The following KDM4C variants were observed in gnomAD, a reference collection of about 807,000 sequenced individuals.
KDM4C encodes lysine demethylase 4C.
KDM4C carries 81 observed loss-of-function variants against 129.3 expected under a neutral mutation model. That is an observed-to-expected ratio of 0.63 (90% CI 0.52 to 0.75). The LOEUF (loss-of-function observed/expected upper bound fraction) is 0.75, where lower values mean the gene tolerates loss of function less well. Ranked by LOEUF, KDM4C falls within the 30% of genes least tolerant of loss-of-function variation. The probability of loss-of-function intolerance (pLI) is 0.00; values close to 1 mark genes in which losing one functional copy is unlikely to be tolerated. For missense variants in KDM4C, 1,457 were observed against 1,304.0 expected (o/e 1.12, Z -1.81); for synonymous variants, 573 against 456.1 (o/e 1.26, Z -3.26).
intron 18 of KDM4C, chr9:7,105,541 G>A (rs199841200): frequency 2.2e-6 from 1 of 461,888 alleles, no homozygotes; most frequent in South Asian, 1.6e-5. Flanking sequence ...AGAAACCTAA[G>A]TTCAGAGAGG....
intron 4 of KDM4C, among the ~76,000 whole-genome samples, chr9:6,835,996 A>G (rs1316418101): frequency 6.6e-6 from 1 of 152,148 alleles, no homozygotes; most frequent in African/African-American, 2.4e-5. Context: ...TTGCCTTAAT[A>G]CTTTTTAAGT....
intron 4 of KDM4C, among the ~76,000 whole-genome samples, chr9:6,825,185 T>C (rs1300139896): frequency 6.6e-6 from 1 of 151,524 alleles, no homozygotes; most frequent in Non-Finnish European, 1.5e-5. Context: ...TGGATTTTTA[T>C]ATCAGCTTCT....
intron 1 of KDM4C, among the ~76,000 whole-genome samples, chr9:6,740,386 G>C (rs538855407): frequency 1.3e-3 from 198 of 151,932 alleles, no homozygotes; most frequent in African/African-American, 4.6e-3. Context: ...TGTATTTTTA[G>C]TAGAGATGGG....
intron 5 of KDM4C, among the ~76,000 whole-genome samples, chr9:6,866,413 G>T (rs115598372): frequency 6.6e-6 from 1 of 152,164 alleles, no homozygotes; most frequent in Non-Finnish European, 1.5e-5. Flanking sequence ...TTTCCAAAGG[G>T]TGTGAGAGGG....
At chr9:6,770,372 C>T (rs1588147269) in intron 1 of KDM4C, among the ~76,000 whole-genome samples, 1 of 152,098 alleles carries the variant, frequency 6.6e-6, no homozygotes, top group Admixed American at 6.6e-5. Context: ...GTCAAGCTGT[C>T]AACTTATCAG....
intron 12 of KDM4C, among the ~76,000 whole-genome samples, chr9:7,005,384 G>A (rs1302940919): frequency 6.9e-6 from 1 of 145,420 alleles, no homozygotes; most frequent in Non-Finnish European, 1.5e-5. Context: ...TCAGTGAGTC[G>A]AGATCAAGCC....
intron 1 of KDM4C, among the ~76,000 whole-genome samples, chr9:6,790,354 C>T (rs1826310836): frequency 1.3e-5 from 2 of 151,360 alleles, no homozygotes; most frequent in East Asian, 3.9e-4. Context: ...ATGCCATTCT[C>T]CTGCCTCAGC....
rs1375725453 is a variant in KDM4C, at chr9:7,052,850, C to G, written c.2424+3650C>G. Among the ~76,000 whole-genome samples the G allele has an allele frequency of 6.7e-5, 3 of 44,518 alleles. No individual in the cohort carries two copies. In the East Asian group the frequency reaches 2.2e-3, roughly 32 times the overall value. The allele number at this position is 44,518 out of a possible 152,430, so 29.2% of individuals were successfully genotyped here. A position where few individuals can be genotyped will look rare whatever the true frequency, so the allele number is the denominator to read the frequency against. ...CCTTCTCTAGTGCCTAACCAGAGCT[C>G]TGGCCACACCTGCAGAGAGAGAGAG... On this transcript the variant is annotated intron_variant, in intron 17 of 21. Transcript: ENST00000381309.
chr9:7,058,272 C>G (rs1333845170), intron 17 of KDM4C, among the ~76,000 whole-genome samples: 1 of 58,992 alleles, frequency 1.7e-5, no homozygotes, highest in African/African-American at 7.8e-5. Context: ...ATACTGTTTC[C>G]AACCCTTTTC....
At chr9:7,124,404 G>A (rs1180781658) in intron 18 of KDM4C, among the ~76,000 whole-genome samples, 1 of 152,164 alleles carries the variant, frequency 6.6e-6, no homozygotes, top group Non-Finnish European at 1.5e-5. Flanking sequence ...ATCACTCAGG[G>A]CCACTGTCTG....
intron 1 of KDM4C, among the ~76,000 whole-genome samples, chr9:6,763,838 A>T (rs113907297): frequency 6.6e-6 from 1 of 151,900 alleles, no homozygotes; most frequent in Admixed American, 6.6e-5. Context: ...GCTCACCACA[A>T]CCTCCGCCTC....
chr9:6,987,024 T>A (rs1817843072), intron 11 of KDM4C, among the ~76,000 whole-genome samples: 1 of 152,200 alleles, frequency 6.6e-6, no homozygotes. Context: ...GCTACCATCT[T>A]AGAAAACTAT....
At chr9:7,097,590 C>G (rs1836587953) in intron 17 of KDM4C, among the ~76,000 whole-genome samples, 1 of 152,170 alleles carries the variant, frequency 6.6e-6, no homozygotes, top group Non-Finnish European at 1.5e-5. Flanking sequence ...CCTCTCCTGC[C>G]CCTCTTCTAG....
chr9:6,997,041 A>G (rs991025077), intron 12 of KDM4C, among the ~76,000 whole-genome samples: 1 of 152,228 alleles, frequency 6.6e-6, no homozygotes, highest in South Asian at 2.1e-4. Flanking sequence ...AATGAGGGTC[A>G]GTCGGCTCCA....
intron 2 of KDM4C, among the ~76,000 whole-genome samples, chr9:6,804,042 A>G (rs995356209): frequency 2.0e-5 from 3 of 152,136 alleles, no homozygotes; most frequent in Middle Eastern, 3.2e-3. Flanking sequence ...AGGCTGGTCT[A>G]GAACTCCTGG....
At chr9:6,853,686 T>C (rs1479030912) in intron 5 of KDM4C, among the ~76,000 whole-genome samples, 1 of 152,204 alleles carries the variant, frequency 6.6e-6, no homozygotes, top group African/African-American at 2.4e-5. Flanking sequence ...TGAACATTTC[T>C]GGTTGAAGGT....
At chr9:6,948,013 G>C (rs534402763) in intron 8 of KDM4C, 1 of 152,046 alleles carries the variant, frequency 6.6e-6, no homozygotes, top group East Asian at 1.9e-4. Context: ...AGTGTAATTT[G>C]ATTTCCTGTT....
At chr9:6,807,640 G>A (rs1268452474) in intron 3 of KDM4C, among the ~76,000 whole-genome samples, 2 of 149,500 alleles carry the variant, frequency 1.3e-5, no homozygotes, top group African/African-American at 4.9e-5. Context: ...GATACCCTCT[G>A]CCTGGCAACC....
intron 1 of KDM4C, among the ~76,000 whole-genome samples, chr9:6,747,181 A>G (rs1185042195): frequency 1.3e-5 from 2 of 149,964 alleles, no homozygotes; most frequent in African/African-American, 5.0e-5. Context: ...TGATAGAGCA[A>G]GACTCTGTCT....
Sources: allele counts gnomAD v4.1 joint callset (sites outside exome capture counted in the v4.1 genomes callset), GRCh38; gene constraint gnomAD v4.1.1; transcripts MANE v1.5; gene names NCBI Gene and HGNC (gene_info 2026-07-23, HGNC 2026-07-21).